OLFM3: variants seen among roughly 807,000 people sequenced by gnomAD.
OLFM3 encodes the protein noelin-3.
OLFM3 carries 20 observed loss-of-function variants against 48.6 expected under a neutral mutation model. The ratio of observed to expected loss-of-function variants is 0.41; its 90% CI spans 0.29 to 0.60. OLFM3 has a LOEUF of 0.60. OLFM3 is among the 20% of genes least tolerant of loss of function. OLFM3 has a pLI of 0.28. For synonymous variants in OLFM3, 222 were observed against 198.1 expected (o/e 1.12, Z -1.01); for missense variants, 437 against 544.3 (o/e 0.80, Z 1.96).
intron 1 of OLFM3, among the ~76,000 whole-genome samples, chr1:101,902,605 G>T (rs556487821): frequency 6.6e-6 from 1 of 152,214 alleles, no homozygotes; most frequent in South Asian, 2.1e-4. Context: ...TCTCAGTCAG[G>T]TGTACAAAGA....
chr1:101,807,552 C>T (rs1653834132), intron 4 of OLFM3, among the ~76,000 whole-genome samples: 1 of 151,706 alleles, frequency 6.6e-6, no homozygotes, highest in South Asian at 2.1e-4. Context: ...TCAGTTTTCT[C>T]TATATGTGCT....
chr1:101,852,179 C>G (rs952800084), intron 1 of OLFM3, among the ~76,000 whole-genome samples: 10 of 152,048 alleles, frequency 6.6e-5, no homozygotes, highest in African/African-American at 2.4e-4. Flanking sequence ...ATTTTCTCTC[C>G]AGGAATTCCA....
chr1:101,916,892 G>A (rs1217316491), intron 1 of OLFM3, among the ~76,000 whole-genome samples: 1 of 152,098 alleles, frequency 6.6e-6, no homozygotes, highest in Non-Finnish European at 1.5e-5. Context: ...AATACTGAGA[G>A]CATCAGAGTT....
At chr1:101,833,800 C>T (rs764622209) in intron 2 of OLFM3, among the ~76,000 whole-genome samples, 2 of 151,794 alleles carry the variant, frequency 1.3e-5, no homozygotes, top group Non-Finnish European at 2.9e-5. Flanking sequence ...ACATATAAAC[C>T]GATTTCTTGA....
chr1:101,970,801 G>A (rs1660760840), intron 1 of OLFM3, among the ~76,000 whole-genome samples: 2 of 152,226 alleles, frequency 1.3e-5, no homozygotes, highest in Admixed American at 1.3e-4. Context: ...AACAATTTGA[G>A]TTGAAGCATG....
chr1:101,848,450 G>C (rs1656096357), intron 1 of OLFM3, among the ~76,000 whole-genome samples: 1 of 151,796 alleles, frequency 6.6e-6, no homozygotes, highest in African/African-American at 2.4e-5. Flanking sequence ...TTAAACTGGG[G>C]TGGATGCTAA....
intron 2 of OLFM3, among the ~76,000 whole-genome samples, chr1:101,832,869 G>C (rs1430782069): frequency 6.6e-6 from 1 of 152,036 alleles, no homozygotes; most frequent in African/African-American, 2.4e-5. Flanking sequence ...ATTTAATCTA[G>C]CACAAAATTA....
At chr1:101,932,495 C>A (rs1659473286) in intron 1 of OLFM3, among the ~76,000 whole-genome samples, 1 of 152,152 alleles carries the variant, frequency 6.6e-6, no homozygotes, top group Non-Finnish European at 1.5e-5. Context: ...GAACCCTGCA[C>A]AGGGCTATTG....
chr1:101,896,477 A>G (rs1402373578), intron 1 of OLFM3, among the ~76,000 whole-genome samples: 2 of 141,768 alleles, frequency 1.4e-5, no homozygotes, highest in Non-Finnish European at 3.1e-5. Flanking sequence ...TCAATTTAGC[A>G]TGCTTACACA....
intron 1 of OLFM3, among the ~76,000 whole-genome samples, chr1:101,940,589 C>T (rs1012820675): frequency 2.6e-5 from 4 of 151,588 alleles, no homozygotes; most frequent in Admixed American, 2.6e-4. Flanking sequence ...ACAGCAAGTC[C>T]CAGCTATGAT....
At chr1:101,862,587 A>G (rs1021626597) in intron 1 of OLFM3, among the ~76,000 whole-genome samples, 1 of 152,242 alleles carries the variant, frequency 6.6e-6, no homozygotes, top group Non-Finnish European at 1.5e-5. Flanking sequence ...GGAGGAATTC[A>G]TTCTTATGAC....
At chr1:101,863,568 T>C (rs17125611) in intron 1 of OLFM3, among the ~76,000 whole-genome samples, 16,794 of 152,194 alleles carry the variant, frequency 0.11, 1,016 homozygotes, top group Non-Finnish European at 0.13. Flanking sequence ...TACAGAATCA[T>C]ATACTCTGAA....
intron 1 of OLFM3, among the ~76,000 whole-genome samples, chr1:101,926,975 C>T (rs1237712422): frequency 1.3e-5 from 2 of 152,120 alleles, no homozygotes; most frequent in African/African-American, 4.8e-5. Context: ...AATACAATCG[C>T]TTTTTCCTAT....
intron 1 of OLFM3, among the ~76,000 whole-genome samples, chr1:101,979,101 A>G (rs562621858): frequency 1.7e-4 from 26 of 152,308 alleles, no homozygotes; most frequent in African/African-American, 6.3e-4. Flanking sequence ...GTGGGGGGGC[A>G]TGCAGAAATA....
chr1:101,813,158 A>G, intron 4 of OLFM3: 1 of 1,223,680 alleles, frequency 8.2e-7, no homozygotes, highest in Non-Finnish European at 1.1e-6. Flanking sequence ...TGGAAAGGAA[A>G]TTTAAAGAAA....
At chr1:101,977,548 A>G (rs1660988809) in intron 1 of OLFM3, among the ~76,000 whole-genome samples, 1 of 152,176 alleles carries the variant, frequency 6.6e-6, no homozygotes, top group Non-Finnish European at 1.5e-5. Context: ...AAGGATCACT[A>G]GTTAGTTCAA....
intron 1 of OLFM3, among the ~76,000 whole-genome samples, chr1:101,894,823 A>G (rs1209453397): frequency 6.6e-6 from 1 of 152,146 alleles, no homozygotes; most frequent in Non-Finnish European, 1.5e-5. Flanking sequence ...CACAAATTAT[A>G]TATATGGAAA....
intron 1 of OLFM3, among the ~76,000 whole-genome samples, chr1:101,860,991 T>G (rs969122700): frequency 1.3e-5 from 2 of 152,112 alleles, no homozygotes; most frequent in Admixed American, 6.5e-5. Context: ...CGGATCCTAC[T>G]AACTACATGC....
At position 101,932,028 on chromosome 1, in the gene OLFM3, A is replaced by G. The variant is rs977048598; in HGVS notation, c.69+64720T>C. ...AATAAGTTGGAGAATCTCATGGCAA[A>G]ATATGCATGGCTCTGGATTATTTTA... is the stretch of plus-strand genomic sequence containing the variant. On this transcript the variant is annotated intron_variant, in intron 1 of 5. Transcript: ENST00000370103. 4.6e-5 allele frequency among the ~76,000 whole-genome samples: 7 copies of G among 152,316 alleles called. No homozygotes were observed. The Middle Eastern group carries it at 0.01, about 222-fold the overall frequency.
Sources: gnomAD v4.1 joint callset for allele counts (sites outside exome capture counted in the v4.1 genomes callset) on GRCh38, gnomAD v4.1.1 for gene constraint, MANE v1.5 for transcripts, NCBI Gene and HGNC (gene_info 2026-07-23, HGNC 2026-07-21) for gene names.